The following TLE4 variants were observed in gnomAD, a reference collection of about 807,000 sequenced individuals.
TLE4 encodes transducin-like enhancer protein 4.
TLE4 carries 8 observed loss-of-function variants against 92.8 expected under a neutral mutation model. The observed-to-expected ratio is 0.09, with a 90% CI of 0.05 to 0.16. The LOEUF (loss-of-function observed/expected upper bound fraction) is 0.16, where lower values mean the gene tolerates loss of function less well. Among genes scored for constraint, TLE4 ranks in the 10% least tolerant of loss-of-function variants. The pLI is 1.00. For missense variants in TLE4, 675 were observed against 997.6 expected, an observed-to-expected ratio of 0.68 and a Z score of 4.36; for synonymous variants, 371 against 374.1, an observed-to-expected ratio of 0.99 and a Z score of 0.10.
chr9:79,641,113 A>G (rs2057043486), intron 6 of TLE4, among the ~76,000 whole-genome samples: 1 of 148,096 alleles, frequency 6.8e-6, no homozygotes, highest in Admixed American at 6.7e-5. Flanking sequence ...AAAGAACTTT[A>G]AAACTTAAAA....
At chr9:79,695,404 T>C (rs574897003) in intron 8 of TLE4, among the ~76,000 whole-genome samples, 2 of 152,062 alleles carry the variant, frequency 1.3e-5, no homozygotes, top group Non-Finnish European at 2.9e-5. Context: ...AGGCATTATA[T>C]TAAGCACTGA....
At chr9:79,624,076 A>G (rs1031585852) in intron 5 of TLE4, among the ~76,000 whole-genome samples, 2 of 151,756 alleles carry the variant, frequency 1.3e-5, no homozygotes, top group African/African-American at 2.4e-5. Flanking sequence ...AAAGTGGAAG[A>G]CAAGGCAGAC....
chr9:79,670,283 C>T (rs1477198763), intron 8 of TLE4, among the ~76,000 whole-genome samples: 1 of 151,982 alleles, frequency 6.6e-6, no homozygotes, highest in East Asian at 1.9e-4. Flanking sequence ...AAAGAGACTA[C>T]ACCGACTTGA....
At chr9:79,687,577 GA>G (rs1460191363) in intron 8 of TLE4, among the ~76,000 whole-genome samples, 3 of 152,044 alleles carry the variant, frequency 2.0e-5, no homozygotes, top group Non-Finnish European at 4.4e-5. Flanking sequence ...AAATATATTT[GA>G]ATCCAGAATT....
At chr9:79,679,148 G>A (rs1430857871) in intron 8 of TLE4, among the ~76,000 whole-genome samples, 2 of 151,946 alleles carry the variant, frequency 1.3e-5, no homozygotes, top group African/African-American at 4.8e-5. Context: ...GTAATGGGAT[G>A]GCTGGGTCAA....
chr9:79,649,890 T>C, intron 6 of TLE4: 1 of 1,343,972 alleles, frequency 7.4e-7, no homozygotes, highest in South Asian at 1.2e-5. Context: ...CTTTTTGTTG[T>C]TGTTGTTGTT....
At chr9:79,719,998 G>A in intron 15 of TLE4, 48 bp from the exon 16 acceptor site, 1 of 1,560,666 alleles carries the variant, frequency 6.4e-7, no homozygotes, top group Admixed American at 1.8e-5. Flanking sequence ...TGTTAATGCT[G>A]TTTTCCTTTC....
At chr9:79,643,358 A>G (rs1054534744) in intron 6 of TLE4, among the ~76,000 whole-genome samples, 8 of 152,222 alleles carry the variant, frequency 5.3e-5, no homozygotes, top group African/African-American at 9.6e-5. Context: ...ATCTTCCTGT[A>G]TAAGCATAAT....
At chr9:79,626,053 A>G (rs11138313) in intron 5 of TLE4, among the ~76,000 whole-genome samples, 10,071 of 152,202 alleles carry the variant, frequency 0.066, 449 homozygotes, top group Non-Finnish European at 0.1. Context: ...TTTTCTTCCC[A>G]TTAGTCATAG....
Position 79,572,807 on chromosome 9 carries a change from G to C in TLE4, c.17G>C (p.Ser6Thr). 6.2e-7 allele frequency: 1 copy of C among 1,601,302 alleles called. No individual in the cohort carries two copies. Among genetic ancestry groups the C allele is most frequent in the Non-Finnish European group, 8.5e-7 (1 of 1,174,680 alleles). MIRDL[S>T]KMYPQTRHPA... Reference sequence around the variant, plus strand: ...TCGGCTTGGATGATTCGCGACCTGAGCAAGATGTACCCGCAGACCAGACAC... The same window carrying C: ...TCGGCTTGGATGATTCGCGACCTGACCAAGATGTACCCGCAGACCAGACAC... The change falls in exon 1 of 20, where the codon AGC becomes ACC. Residue 6 changes from serine (S) to threonine (T), a missense_variant. By Grantham distance (58) the Ser-to-Thr change is moderately conservative. Around this residue, in one of 5 missense-constraint regions of TLE4, gnomAD observed 38 missense variants for 33.5 expected, o/e 1.14. Coordinates refer to ENST00000376552, the MANE Select transcript of TLE4 (RefSeq NM_007005.6).
intron 8 of TLE4, among the ~76,000 whole-genome samples, chr9:79,666,204 G>GTT (rs1204582531): frequency 6.0e-5 from 6 of 99,474 alleles, no homozygotes; most frequent in African/African-American, 1.4e-4. Context: ...TGTGGGTGGG[G>GTT]TTTTTTTTTT....
intron 8 of TLE4, among the ~76,000 whole-genome samples, chr9:79,673,630 G>A (rs2062772645): frequency 6.6e-6 from 1 of 152,024 alleles, no homozygotes; most frequent in Admixed American, 6.6e-5. Context: ...GTTTCTGATT[G>A]GTTTCCTCCT....
At chr9:79,604,821 ACAT>A (rs2046431139) in intron 4 of TLE4, among the ~76,000 whole-genome samples, 2 of 152,292 alleles carry the variant, frequency 1.3e-5, no homozygotes, top group South Asian at 4.1e-4. Context: ...GGTATTTCTC[ACAT>A]CATTTTGATC....
rs1190481996 is a variant in TLE4 at position 79,572,392 on chromosome 9, T to G, written c.-399T>G. The G allele has an allele frequency of 6.6e-6, 1 of 151,858 alleles. No individual in the cohort carries two copies. Among genetic ancestry groups the G allele is most frequent in the Non-Finnish European group, 1.5e-5 (1 of 68,050 alleles). 9.4% of individuals were successfully genotyped at this position (151,858 alleles called of 1,614,324 possible). On this transcript the variant is annotated 5_prime_UTR_variant, in exon 1 of 20. Coordinates refer to ENST00000376552, the MANE Select transcript of TLE4 (RefSeq NM_007005.6). ...AAAGACAAATAAAAAAAGTTTGGAGTGGGACGCAGAGCGAGCGAGAGGAGC... is the reference window on the plus strand; with the variant it reads ...AAAGACAAATAAAAAAAGTTTGGAGGGGGACGCAGAGCGAGCGAGAGGAGC...
Position 79,592,180 on chromosome 9 carries a change from TTCC to T in TLE4, c.252+16006_252+16008del, listed in dbSNP as rs751756248. 2.5e-3 allele frequency among the ~76,000 whole-genome samples: 324 copies of T among 127,826 alleles called. 4 individuals are homozygous for T. The highest frequency in any genetic ancestry group is 9.5e-3 in the African/African-American group (283 of 29,660). The allele number at this position is 127,826 out of a possible 152,430, so 83.9% of individuals were successfully genotyped here. A position where few individuals can be genotyped will look rare whatever the true frequency, so the allele number is the denominator to read the frequency against. ...CTTCTTCTTCTTCTTCCTCTTCCTC[TTCC>T]TCTTCTTCTTCTTCTTCTTCTTCTT... is the stretch of plus-strand genomic sequence containing the variant. On this transcript the variant is annotated intron_variant, in intron 4 of 19. Transcript: ENST00000376552.
chr9:79,652,580 T>A lies in TLE4; in HGVS notation c.391-13T>A, dbSNP rs1269418916. The A allele has an allele frequency of 6.2e-7, 1 of 1,613,830 alleles. No individual in the cohort carries two copies. The highest frequency in any genetic ancestry group is 1.3e-5 in the African/African-American group (1 of 74,908). ...GGGCAAATTCAATATCTGTGTTTAATTTTTCACAGCAGCAACAACTCCAGG... is the reference window on the plus strand; with the variant it reads ...GGGCAAATTCAATATCTGTGTTTAAATTTTCACAGCAGCAACAACTCCAGG... On this transcript the variant is annotated splice_polypyrimidine_tract_variant and intron_variant, in intron 6 of 19. Coordinates refer to ENST00000376552, the MANE Select transcript of TLE4 (RefSeq NM_007005.6).
chr9:79,718,265 T>C (rs1012460443), intron 14 of TLE4, among the ~76,000 whole-genome samples: 1 of 152,104 alleles, frequency 6.6e-6, no homozygotes, highest in Non-Finnish European at 1.5e-5. Context: ...GGCCTACTCA[T>C]CTCCCTTAGT....
intron 8 of TLE4, among the ~76,000 whole-genome samples, chr9:79,701,984 C>G (rs897609292): frequency 3.3e-5 from 5 of 152,210 alleles, no homozygotes; most frequent in Non-Finnish European, 5.9e-5. Flanking sequence ...ATGATTAATT[C>G]TGCCTGACAG....
At chr9:79,612,255 T>G (rs1320738144) in intron 4 of TLE4, among the ~76,000 whole-genome samples, 2 of 152,164 alleles carry the variant, frequency 1.3e-5, no homozygotes, top group African/African-American at 4.8e-5. Context: ...TGCTAATTGA[T>G]GGAGTTGAGA....
Sources: allele counts gnomAD v4.1 joint callset (sites outside exome capture counted in the v4.1 genomes callset), GRCh38; gene constraint gnomAD v4.1.1; regional missense constraint gnomAD v4.1.1; transcripts MANE v1.5; gene names NCBI Gene and HGNC (gene_info 2026-07-23, HGNC 2026-07-21).